EXOC7: variants seen among roughly 807,000 people sequenced by gnomAD.
EXOC7 encodes the protein exocyst complex component Exo70.
Under a neutral mutation model 87.6 loss-of-function variants are expected in EXOC7, and 51 were observed. The ratio of observed to expected loss-of-function variants is 0.58; its 90% CI spans 0.46 to 0.73. The LOEUF (loss-of-function observed/expected upper bound fraction) is 0.73. Ranked by LOEUF, EXOC7 falls within the 30% of genes least tolerant of loss-of-function variation. EXOC7 has a pLI of 0.00. For synonymous variants in EXOC7, 327 were observed against 357.1 expected, an observed-to-expected ratio of 0.92 and a Z score of 0.95; for missense variants, 744 against 888.4, an observed-to-expected ratio of 0.84 and a Z score of 2.07.
Position 76,081,979 on chromosome 17 carries a change from G to A in EXOC7, c.*1669C>T, listed in dbSNP as rs139224066. On this transcript the variant is annotated 3_prime_UTR_variant, in exon 19 of 19. Coordinates refer to ENST00000589210, the MANE Select transcript of EXOC7 (RefSeq NM_001013839.4). ...TGGCCCGGGGCAACCTTGGGGCCAA[G>A]AGCGGCCCCAGCCCAGCCCCGAGAG... The A allele has an allele frequency of 9.9e-5, 159 of 1,612,382 alleles. No homozygotes were observed. The highest frequency in any genetic ancestry group is 1.3e-4 in the Non-Finnish European group (154 of 1,179,732).
intron 11 of EXOC7, 130 bp from the exon 12 acceptor site, chr17:76,087,850 CTT>C (rs756918300): frequency 1.9e-6 from 2 of 1,075,720 alleles, no homozygotes; most frequent in Non-Finnish European, 2.7e-6. Flanking sequence ...CGGCTGGAAA[CTT>C]CATTTTCACT....
At position 76,083,680 on chromosome 17, in the gene EXOC7, T is replaced by C. The variant is rs776687293; in HGVS notation, c.2023A>G (p.Met675Val). Residue 675 changes from methionine to valine, a missense_variant, in exon 19 of 19, where the codon ATG becomes GTG. Transcript: ENST00000589210. ...IKYGVEQVGD[M>V]IDRLFDTSA Reference sequence around the variant, plus strand: ...GAGGTGTCGAAAAGGCGATCGATCATGTCGCCCACCTGCTCCACCCCGTAC... The same window carrying C: ...GAGGTGTCGAAAAGGCGATCGATCACGTCGCCCACCTGCTCCACCCCGTAC... 6.2e-7 allele frequency: 1 copy of C among 1,613,876 alleles called. No homozygotes were observed. Among genetic ancestry groups the C allele is most frequent in the South Asian group, 1.1e-5 (1 of 91,064 alleles).
chr17:76,089,267 C>A lies in EXOC7; in HGVS notation c.955G>T (p.Ala319Ser). Residue 319 changes from alanine (A) to serine (S), a missense_variant, in exon 8 of 19, where the codon GCC becomes TCC. Physicochemically the swap from Ala to Ser is moderately conservative, Grantham distance 99. Coordinates refer to ENST00000589210, the MANE Select transcript of EXOC7 (RefSeq NM_001013839.4). ...TCGCTCTGCGCCAGCTTGACGAAGG[C>A]ACTGACGCAGTGGATGTAGGCATCG... ...ETDAYIHCVS[A>S]FVKLAQSEYQ... 1 of 1,614,112 alleles carries A rather than the reference C, an allele frequency of 6.2e-7. No individual in the cohort carries two copies. The highest frequency in any genetic ancestry group is 8.5e-7 in the Non-Finnish European group (1 of 1,180,000).
chr17:76,099,501 C>T (rs1479886959), intron 4 of EXOC7, among the ~76,000 whole-genome samples: 4 of 152,050 alleles, frequency 2.6e-5, no homozygotes, highest in African/African-American at 9.7e-5. Context: ...GAGCATAACT[C>T]CGTCTCAAAA....
intron 6 of EXOC7, among the ~76,000 whole-genome samples, chr17:76,092,053 A>G (rs1222787868): frequency 6.6e-6 from 1 of 152,220 alleles, no homozygotes; most frequent in Non-Finnish European, 1.5e-5. Context: ...ATCTCGGGCC[A>G]GAAGACGTCG....
In EXOC7 at chr17:76,099,811, T is replaced by C. The variant is rs561330722; in HGVS notation, c.417+1460A>G. The stretch of plus-strand genomic sequence containing the variant: ...ACCCCAAAACTTAAACACAAAAATA[T>C]GATGAAGGCAGGTACAGTGGGTAAT... On this transcript the variant is annotated intron_variant, in intron 4 of 18. Coordinates refer to ENST00000589210, the MANE Select transcript of EXOC7 (RefSeq NM_001013839.4). 6.6e-5 allele frequency among the ~76,000 whole-genome samples: 10 copies of C among 152,180 alleles called. No homozygotes were observed. The East Asian group carries it at 1.2e-3, about 18-fold the overall frequency.
intron 8 of EXOC7, 87 bp from the exon 9 acceptor site, chr17:76,089,010 G>C: frequency 2.7e-6 from 4 of 1,478,932 alleles, no homozygotes; most frequent in Non-Finnish European, 3.7e-6. Flanking sequence ...GTATGTAGGG[G>C]GGCCAGTGTG....
intron 4 of EXOC7, among the ~76,000 whole-genome samples, chr17:76,098,773 G>T (rs571304562): frequency 1.3e-5 from 2 of 151,568 alleles, no homozygotes; most frequent in East Asian, 3.9e-4. Flanking sequence ...GGCTGAGGCA[G>T]GAGAAAGGTG....
chr17:76,102,606 T>TA (rs549629971), intron 2 of EXOC7, among the ~76,000 whole-genome samples: 27 of 148,484 alleles, frequency 1.8e-4, no homozygotes, highest in Non-Finnish European at 2.2e-4. Flanking sequence ...ACTCTGCCTC[T>TA]AAAAAAAAAA....
rs199583460 is a variant in EXOC7, at chr17:76,085,650, G to A, written c.1616+27C>T. 30 of 1,613,726 alleles carry A rather than the reference G, an allele frequency of 1.9e-5. No individual in the cohort carries two copies. In the African/African-American group the frequency reaches 2.3e-4, roughly 12 times the overall value. ...CACAGCCGAGGGGAAGGTGAGAGCC[G>A]CAGACTCACTCCCGCAGGCCACTTA... On this transcript the variant is annotated intron_variant, in intron 14 of 18. Coordinates refer to ENST00000589210, the MANE Select transcript of EXOC7 (RefSeq NM_001013839.4).
At chr17:76,091,287 A>C (rs1288849084) in intron 6 of EXOC7, 52 bp from the exon 7 acceptor site, 1 of 1,528,078 alleles carries the variant, frequency 6.5e-7, no homozygotes, top group Middle Eastern at 1.7e-4. Flanking sequence ...GAAATGAGTG[A>C]GAGAAAACAG....
chr17:76,088,988 G>T, intron 8 of EXOC7, 65 bp from the exon 9 acceptor site: 1 of 1,558,316 alleles, frequency 6.4e-7, no homozygotes, highest in East Asian at 2.2e-5. Context: ...GGGCTAGTGG[G>T]GGATCCTTGC....
intron 5 of EXOC7, among the ~76,000 whole-genome samples, chr17:76,096,573 T>C (rs2067766950): frequency 6.6e-6 from 1 of 151,660 alleles, no homozygotes; most frequent in South Asian, 2.1e-4. Context: ...TCTTTCTTCC[T>C]TTCTTTTTTT....
At chr17:76,090,517 G>A (rs754451297) in intron 7 of EXOC7, 1 of 1,543,882 alleles carries the variant, frequency 6.5e-7, no homozygotes, top group South Asian at 1.2e-5. Context: ...GATGGGGATG[G>A]GGAAGGGGGC....
chr17:76,087,747 G>C, intron 11 of EXOC7, 27 bp from the exon 12 acceptor site: 3 of 1,550,140 alleles, frequency 1.9e-6, no homozygotes, highest in Middle Eastern at 3.4e-4. Flanking sequence ...CGGTGCAGAA[G>C]GGCAAGTGGC....
intron 2 of EXOC7, chr17:76,103,059 A>G: frequency 2.4e-6 from 1 of 422,012 alleles, no homozygotes; most frequent in Non-Finnish European, 4.4e-6. Context: ...TATGCCCAGT[A>G]CCTAGCCCAA....
intron 16 of EXOC7, 30 bp downstream of exon 16, chr17:76,084,487 A>G (rs1228868370): frequency 1.9e-6 from 3 of 1,610,426 alleles, no homozygotes; most frequent in Non-Finnish European, 2.5e-6. Flanking sequence ...TCTGCCAGAC[A>G]CCCCTTCCCA....
chr17:76,101,287 G>A lies in EXOC7; in HGVS notation c.401C>T (p.Pro134Leu), dbSNP rs750831584. The change falls in exon 4 of 19, where the codon CCG becomes CTG. Residue 134 changes from proline (P) to leucine (L), a missense_variant. Pro to Leu is a moderately conservative substitution (Grantham distance 98). This residue lies in a region of EXOC7 where 512 missense variants were observed against 573.0 expected (regional missense o/e 0.89). Transcript: ENST00000589210. ...EYFQDNSPDSPELNKVKLLFE... is the reference protein window; with the variant it reads ...EYFQDNSPDSLELNKVKLLFE... Reference sequence around the variant, plus strand: ...ACCCCTTACCACTTTGTTGAGTTCCGGGCTGTCTGGGCTGTTGTCCTGGAA... The same window carrying A: ...ACCCCTTACCACTTTGTTGAGTTCCAGGCTGTCTGGGCTGTTGTCCTGGAA... 16 of 1,613,922 alleles carry A rather than the reference G, an allele frequency of 9.9e-6. No homozygotes were observed. The highest frequency in any genetic ancestry group is 1.6e-4 in the Middle Eastern group (1 of 6,062).
Position 76,088,931 on chromosome 17 carries a change from G to A in EXOC7, c.1048-8C>T, listed in dbSNP as rs2084666. On this transcript the variant is annotated splice_region_variant and splice_polypyrimidine_tract_variant and intron_variant, in intron 8 of 18. Transcript: ENST00000589210. ...CAGCCCATCCAGGGCATCCTGAGGGGGCAGGGAGACAGTTCAGGGAAGGGT... is the reference window on the plus strand; with the variant it reads ...CAGCCCATCCAGGGCATCCTGAGGGAGCAGGGAGACAGTTCAGGGAAGGGT... 0.46 allele frequency: 747,474 copies of A among 1,610,618 alleles called. 176,980 individuals carry two copies. The highest frequency in any genetic ancestry group is 0.65 in the South Asian group (59,215 of 91,040).
Sources: allele counts gnomAD v4.1 joint callset (sites outside exome capture counted in the v4.1 genomes callset), GRCh38; gene constraint gnomAD v4.1.1; regional missense constraint gnomAD v4.1.1; transcripts MANE v1.5; gene names NCBI Gene and HGNC (gene_info 2026-07-23, HGNC 2026-07-21).